The following ZNF671 variants were observed in gnomAD, a reference collection of about 807,000 sequenced individuals.
ZNF671 encodes the protein zinc finger protein 671, also known as hypothetical protein FLJ23506.
In ZNF671, 19 loss-of-function variants were observed where a neutral mutation model predicts 16.6. The observed-to-expected ratio is 1.14, with a 90% CI of 0.80 to 1.68. The LOEUF (loss-of-function observed/expected upper bound fraction) is 1.68, where lower values mean the gene tolerates loss of function less well. Among genes scored for constraint, ZNF671 ranks in the 40% most tolerant of loss-of-function variants. ZNF671 has a pLI of 0.00. For synonymous variants in ZNF671, 238 were observed against 236.3 expected, an observed-to-expected ratio of 1.01 and a Z score of -0.06; for missense variants, 637 against 659.8, an observed-to-expected ratio of 0.97 and a Z score of 0.38.
At chr19:57,722,944 G>A (rs959159579) in intron 2 of ZNF671, among the ~76,000 whole-genome samples, 1 of 151,984 alleles carries the variant, frequency 6.6e-6, no homozygotes, top group African/African-American at 2.4e-5. Flanking sequence ...ACAGAACCTT[G>A]GGCACAGAGG....
chr19:57,722,422 T>C lies in ZNF671; in HGVS notation c.282A>G (p.Arg94=). The C allele has an allele frequency of 6.2e-7, 1 of 1,613,944 alleles. No homozygotes were observed. The highest frequency in any genetic ancestry group is 8.5e-7 in the Non-Finnish European group (1 of 1,180,006). Residue 94 remains arginine (R), a synonymous_variant, in exon 3 of 4, where the codon AGA becomes AGG. Transcript: ENST00000317398. ...GCTCTAGTTTCATGACTGCACGTGA[T>C]CTGGAAAATGCAATTCCTAAGGGAA... ...LLASLGIAFS[R]SRAVMKLERG...
intron 1 of ZNF671, among the ~76,000 whole-genome samples, chr19:57,724,674 C>T (rs1179080628): frequency 1.3e-5 from 2 of 152,110 alleles, no homozygotes; most frequent in Non-Finnish European, 2.9e-5. Context: ...TACAGGCGCC[C>T]ACCACCATGC....
Position 57,721,517 on chromosome 19 carries a change from T to G in ZNF671, c.569A>C (p.Lys190Thr). Residue 190 changes from lysine to threonine, a missense_variant, in exon 4 of 4, where the codon AAA becomes ACA. Lys to Thr is a moderately conservative substitution (Grantham distance 78, BLOSUM62 -1). Transcript: ENST00000317398. ...TCCACATGCCCCACACAAGTATGGT[T>G]TCTGCCTGGCTTTTCCCCCATGGTA... ...AKYHGGKARQKPYLCGACGKQ... is the reference protein window; with the variant it reads ...AKYHGGKARQTPYLCGACGKQ... 6.2e-7 allele frequency: 1 copy of G among 1,614,202 alleles called. No homozygotes were observed. Among genetic ancestry groups the G allele is most frequent in the South Asian group, 1.1e-5 (1 of 91,088 alleles).
At chr19:57,725,235 G>A (rs9749570) in intron 1 of ZNF671, among the ~76,000 whole-genome samples, 4,665 of 151,648 alleles carry the variant, frequency 0.031, 234 homozygotes, top group African/African-American at 0.11. Context: ...AGGCCGAGGC[G>A]GGTGGATCTC....
At position 57,720,207 on chromosome 19, in the gene ZNF671, A is replaced by G. The variant is rs75763025; in HGVS notation, c.*274T>C. On this transcript the variant is annotated 3_prime_UTR_variant, in exon 4 of 4. Transcript: ENST00000317398. The stretch of plus-strand genomic sequence containing the variant: ...GGGAATCTCCCCAGTGGGAATGTCC[A>G]TATCTATGAAGTTTCACTTCTTACT... The G allele has an allele frequency of 7.4e-3, 3,674 of 498,662 alleles. 113 individuals carry two copies. Among genetic ancestry groups the G allele is most frequent in the African/African-American group, 0.063 (3,345 of 53,056 alleles). The allele number at this position is 498,662 out of a possible 1,614,324, so 30.9% of individuals were successfully genotyped here.
At chr19:57,725,254 A>C (rs1986003339) in intron 1 of ZNF671, among the ~76,000 whole-genome samples, 1 of 151,744 alleles carries the variant, frequency 6.6e-6, no homozygotes. Flanking sequence ...TCCTGAGGGC[A>C]GGAGTTCGAG....
rs770417945 is a variant in ZNF671 at position 57,721,375 on chromosome 19, T to C, written c.711A>G (p.Pro237=). 4 of 1,614,112 alleles carry C rather than the reference T, an allele frequency of 2.5e-6. No individual in the cohort carries two copies. The highest frequency in any genetic ancestry group is 3.4e-6 in the Non-Finnish European group (4 of 1,179,926). The change falls in exon 4 of 4, where the codon CCA becomes CCG. Residue 237 remains proline, a synonymous_variant. Transcript: ENST00000317398. ...DSVKSCRVHV[P]EKTLTCGKGR... is the part of the protein sequence containing the mutation. Reference sequence around the variant, plus strand: ...CTTTCCCACATGTGAGGGTCTTCTCTGGCACATGGACTCTGCAGCTTTTCA... The same window carrying C: ...CTTTCCCACATGTGAGGGTCTTCTCCGGCACATGGACTCTGCAGCTTTTCA...
In ZNF671 at chr19:57,721,334, G is replaced by A; in HGVS notation, c.752C>T (p.Ser251Leu). ...LTCGKGRRDFSATSGLLQHQA... is the reference protein window; with the variant it reads ...LTCGKGRRDFLATSGLLQHQA... ...ATGCTGAAGAAGGCCAGATGTGGCTGAAAAGTCTCTCCTACCTTTCCCACA... is the reference window on the plus strand; with the variant it reads ...ATGCTGAAGAAGGCCAGATGTGGCTAAAAAGTCTCTCCTACCTTTCCCACA... Residue 251 changes from serine to leucine, a missense_variant, in exon 4 of 4, where the codon TCA becomes TTA. Ser to Leu is a moderately radical substitution (Grantham distance 145). Transcript: ENST00000317398. 1 of 1,607,560 alleles carries A rather than the reference G, an allele frequency of 6.2e-7. No individual in the cohort carries two copies. The highest frequency in any genetic ancestry group is 1.1e-5 in the South Asian group (1 of 90,668).
rs369152608 is a variant in ZNF671 at position 57,723,212 on chromosome 19, A to G, written c.265+2T>C. 3.2e-5 allele frequency: 51 copies of G among 1,609,726 alleles called. 1 individual carries two copies. Among genetic ancestry groups the G allele is most frequent in the Non-Finnish European group, 4.2e-5 (49 of 1,177,550 alleles). The stretch of plus-strand genomic sequence containing the variant: ...AAAGGCAGAAAAGCATGAGGACCTT[A>G]CCCAGTGAGGCTAAAAGTGCAAAGT... On this transcript the variant is annotated splice_donor_variant, in intron 2 of 3. Coordinates refer to ENST00000317398, the MANE Select transcript of ZNF671 (RefSeq NM_024833.3). LOFTEE classifies it high-confidence loss of function.
intron 2 of ZNF671, among the ~76,000 whole-genome samples, 176 bp downstream of exon 2, chr19:57,723,038 C>G (rs540353664): frequency 6.6e-6 from 1 of 152,228 alleles, no homozygotes; most frequent in Non-Finnish European, 1.5e-5. Flanking sequence ...GTCTCATGAC[C>G]CCAAACCCTT....
At chr19:57,722,484 C>T in intron 2 of ZNF671, 46 bp from the exon 3 acceptor site, 7 of 1,606,818 alleles carry the variant, frequency 4.4e-6, no homozygotes, top group Non-Finnish European at 5.9e-6. Flanking sequence ...TGGCCCATGG[C>T]AAACCACCCT....
chr19:57,722,366 A>T lies in ZNF671; in HGVS notation c.338T>A (p.Val113Glu). Residue 113 changes from valine (V) to glutamate (E), a missense_variant, in exon 3 of 4, where the codon GTG becomes GAG. Coordinates refer to ENST00000317398, the MANE Select transcript of ZNF671 (RefSeq NM_024833.3). ...RGEEPWVYDQ[V>E]DMTSATEREA... Reference sequence around the variant, plus strand: ...TCTTTCTGTGGCTGAAGTCATATCCACCTGGTCATACACCCAGGGCTCTTC... The same window carrying T: ...TCTTTCTGTGGCTGAAGTCATATCCTCCTGGTCATACACCCAGGGCTCTTC... The T allele has an allele frequency of 1.2e-6, 2 of 1,614,060 alleles. No homozygotes were observed. The highest frequency in any genetic ancestry group is 1.7e-6 in the Non-Finnish European group (2 of 1,180,000).
intron 1 of ZNF671, among the ~76,000 whole-genome samples, chr19:57,725,236 G>A (rs10424459): frequency 0.11 from 16,387 of 150,918 alleles, 1,644 homozygotes; most frequent in African/African-American, 0.27. Flanking sequence ...GGCCGAGGCG[G>A]GTGGATCTCC....
At chr19:57,727,163 G>T (rs1370771834) in intron 1 of ZNF671, 11 of 461,188 alleles carry the variant, frequency 2.4e-5, no homozygotes, top group Non-Finnish European at 3.8e-5. Flanking sequence ...CTCAAACTCT[G>T]CTCTGTGTTG....
rs144208808 is a variant in ZNF671, at chr19:57,720,911, G to C, written c.1175C>G (p.Thr392Arg). The change falls in exon 4 of 4, where the codon ACA (threonine) becomes AGA (arginine). Residue 392 changes from threonine to arginine, a missense_variant. Thr to Arg is a moderately conservative substitution (Grantham distance 71). Transcript: ENST00000317398. The part of the protein sequence containing the change: ...SNLIRHQEVH[T>R]GARPYVCSEC... Reference sequence around the variant, plus strand: ...GCTGCATACATAAGGCCTGGCTCCTGTGTGAACTTCCTGGTGTCGAATGAG... The same window carrying C: ...GCTGCATACATAAGGCCTGGCTCCTCTGTGAACTTCCTGGTGTCGAATGAG... 47 of 1,614,036 alleles carry C rather than the reference G, an allele frequency of 2.9e-5. No homozygotes were observed. The highest frequency in any genetic ancestry group is 5.1e-6 in the Non-Finnish European group (6 of 1,180,044).
At position 57,721,046 on chromosome 19, in the gene ZNF671, C is replaced by T. The variant is rs769417906; in HGVS notation, c.1040G>A (p.Gly347Glu). 2 of 1,614,140 alleles carry T rather than the reference C, an allele frequency of 1.2e-6. No homozygotes were observed. The highest frequency in any genetic ancestry group is 4.5e-5 in the East Asian group (2 of 44,880). Reference sequence around the variant, plus strand: ...GCCGGAGATTTGTCTAAAGAATTTCCCACATTCGCTGCACTCGTATGGCCT... The same window carrying T: ...GCCGGAGATTTGTCTAAAGAATTTCTCACATTCGCTGCACTCGTATGGCCT... ...GERPYECSEC[G>E]KFFRQISGLI... is the part of the protein sequence containing the mutation. The change falls in exon 4 of 4, where the codon GGG (glycine) becomes GAG (glutamate). Residue 347 changes from glycine (G) to glutamate (E), a missense_variant. Gly to Glu is a moderately conservative substitution (Grantham distance 98). Transcript: ENST00000317398.
chr19:57,723,818 CAA>C (rs1985956946), intron 1 of ZNF671, among the ~76,000 whole-genome samples: 2 of 143,696 alleles, frequency 1.4e-5, no homozygotes, highest in African/African-American at 5.1e-5. Context: ...ATCACGAGGT[CAA>C]GAGAGCGAGA....
chr19:57,721,988 C>T, intron 3 of ZNF671: 2 of 550,968 alleles, frequency 3.6e-6, no homozygotes, highest in Non-Finnish European at 6.4e-6. Flanking sequence ...GTATCCAGTC[C>T]CAGGAAAATC....
At chr19:57,722,476 G>A in intron 2 of ZNF671, 38 bp from the exon 3 acceptor site, 1 of 1,608,730 alleles carries the variant, frequency 6.2e-7, no homozygotes, top group Non-Finnish European at 8.5e-7. Context: ...GCCAGCACTG[G>A]CCCATGGCAA....
Sources: gnomAD v4.1 joint callset for allele counts (sites outside exome capture counted in the v4.1 genomes callset) on GRCh38, gnomAD v4.1.1 for gene constraint, MANE v1.5 for transcripts, NCBI Gene and HGNC (gene_info 2026-07-23, HGNC 2026-07-21) for gene names.